The following HSDL2 variants were observed in gnomAD, a reference collection of about 807,000 sequenced individuals.
The protein encoded by HSDL2 is hydroxysteroid dehydrogenase like 2, also known as hydroxysteroid dehydrogenase-like protein 2.
HSDL2 carries 27 observed loss-of-function variants against 46.3 expected under a neutral mutation model. The ratio of observed to expected loss-of-function variants is 0.58; its 90% CI spans 0.43 to 0.80. HSDL2 has a LOEUF of 0.80. Ranked by LOEUF, HSDL2 falls within the 30% of genes least tolerant of loss-of-function variation. HSDL2 has a pLI of 0.00. For missense variants in HSDL2, 451 were observed against 502.7 expected (o/e 0.90, Z 0.98); for synonymous variants, 153 against 163.6 (o/e 0.94, Z 0.50).
At chr9:112,416,079 C>G (rs890033128) in intron 4 of HSDL2, among the ~76,000 whole-genome samples, 5 of 149,630 alleles carry the variant, frequency 3.3e-5, no homozygotes, top group Non-Finnish European at 7.4e-5. Context: ...TCACTCCAGC[C>G]TGGGCAACAG....
intron 1 of HSDL2, among the ~76,000 whole-genome samples, chr9:112,402,818 G>C (rs1489484299): frequency 1.3e-5 from 2 of 152,106 alleles, no homozygotes; most frequent in African/African-American, 4.8e-5. Flanking sequence ...CTACTTGGGA[G>C]GCTGAAGCAG....
chr9:112,401,421 G>A lies in HSDL2; in HGVS notation c.18-2574G>A, dbSNP rs1426158532. 3.1e-5 allele frequency among the ~76,000 whole-genome samples: 4 copies of A among 128,114 alleles called. No individual in the cohort carries two copies. In the East Asian group the frequency reaches 6.8e-4, roughly 22 times the overall value. 84.0% of individuals were successfully genotyped at this position (128,114 alleles called of 152,430 possible). A position where few individuals can be genotyped will look rare whatever the true frequency, so the allele number is the denominator to read the frequency against. ...CAGTGAGCCACACTCCAGACTGGGC[G>A]ACAGAGCAAGAACCGCTCTCAAAAA... is the stretch of plus-strand genomic sequence containing the variant. On this transcript the variant is annotated intron_variant, in intron 1 of 10. Transcript: ENST00000398805.
chr9:112,425,858 G>T (rs1017571234), intron 6 of HSDL2, among the ~76,000 whole-genome samples: 1 of 151,926 alleles, frequency 6.6e-6, no homozygotes. Flanking sequence ...CTCCTAAATA[G>T]CTAGAACCAC....
At chr9:112,417,477 TAAA>T (rs71491043) in intron 5 of HSDL2, among the ~76,000 whole-genome samples, 15 of 111,092 alleles carry the variant, frequency 1.4e-4, no homozygotes, top group Non-Finnish European at 1.8e-4. Context: ...ACCCTGACTC[TAAA>T]AAAAAAAAAA....
At chr9:112,391,479 A>G (rs1425089068) in intron 1 of HSDL2, among the ~76,000 whole-genome samples, 2 of 152,204 alleles carry the variant, frequency 1.3e-5, no homozygotes, top group African/African-American at 4.8e-5. Flanking sequence ...CTAATGATAA[A>G]GAATTTCTGC....
At chr9:112,404,274 T>A in intron 2 of HSDL2, 116 bp downstream of exon 2, 1 of 971,830 alleles carries the variant, frequency 1.0e-6, no homozygotes, top group Non-Finnish European at 1.5e-6. Context: ...TAATTTTATC[T>A]AGTGAAAGAA....
chr9:112,443,564 C>CA (rs932083808), intron 8 of HSDL2, among the ~76,000 whole-genome samples: 2 of 151,886 alleles, frequency 1.3e-5, no homozygotes, highest in Admixed American at 6.6e-5. Context: ...CCTGTCTCTA[C>CA]AAAAAAATAA....
At chr9:112,387,592 C>T (rs1249097018) in intron 1 of HSDL2, among the ~76,000 whole-genome samples, 1 of 152,070 alleles carries the variant, frequency 6.6e-6, no homozygotes, top group Non-Finnish European at 1.5e-5. Flanking sequence ...ATACTCTTTT[C>T]TGGTTTTTTA....
Position 112,453,209 on chromosome 9 carries a change from T to G in HSDL2, c.866-804T>G, listed in dbSNP as rs114172915. Among the ~76,000 whole-genome samples the G allele has an allele frequency of 7.3e-3, 1,107 of 152,240 alleles. 17 individuals carry two copies. The highest frequency in any genetic ancestry group is 0.025 in the African/African-American group (1,041 of 41,548). ...GAGGTGGAGTGATTAGAAAGTACAC[T>G]TGGGTGTTGATTCAAGCTACAGTCT... is the stretch of plus-strand genomic sequence containing the variant. On this transcript the variant is annotated intron_variant, in intron 8 of 10. Transcript: ENST00000398805.
At chr9:112,450,657 A>G (rs536275961) in intron 8 of HSDL2, among the ~76,000 whole-genome samples, 1 of 150,434 alleles carries the variant, frequency 6.6e-6, no homozygotes, top group South Asian at 2.1e-4. Flanking sequence ...AGAACAGCTC[A>G]AAGAAAAATT....
chr9:112,463,737 T>G (rs1833285150), intron 10 of HSDL2, among the ~76,000 whole-genome samples: 1 of 152,106 alleles, frequency 6.6e-6, no homozygotes. Flanking sequence ...CTCGGCTCAC[T>G]GCAACCTCCA....
At chr9:112,407,071 G>A (rs538079088) in intron 3 of HSDL2, among the ~76,000 whole-genome samples, 1 of 152,284 alleles carries the variant, frequency 6.6e-6, no homozygotes, top group Non-Finnish European at 1.5e-5. Context: ...GAGTGCTGTG[G>A]GGTGCTGGAC....
intron 4 of HSDL2, among the ~76,000 whole-genome samples, chr9:112,416,588 TAAA>T (rs35674008): frequency 6.0e-5 from 8 of 134,220 alleles, no homozygotes; most frequent in Non-Finnish European, 3.1e-5. Flanking sequence ...ACCCTGTCTC[TAAA>T]AAAAAAAAAA....
intron 1 of HSDL2, among the ~76,000 whole-genome samples, chr9:112,403,253 C>G (rs1364980532): frequency 6.6e-6 from 1 of 152,226 alleles, no homozygotes; most frequent in East Asian, 1.9e-4. Flanking sequence ...CCTCCAATCC[C>G]TCCCACTCCC....
At chr9:112,463,524 T>C (rs184011314) in intron 10 of HSDL2, among the ~76,000 whole-genome samples, 3 of 152,368 alleles carry the variant, frequency 2.0e-5, no homozygotes, top group South Asian at 2.1e-4. Context: ...CCAACACTTG[T>C]TGTCTTTTAA....
chr9:112,409,909 T>C (rs1421399608), intron 4 of HSDL2, among the ~76,000 whole-genome samples: 1 of 152,030 alleles, frequency 6.6e-6, no homozygotes, highest in Admixed American at 6.6e-5. Flanking sequence ...TATTTGCATG[T>C]GTAAATACTT....
Position 112,454,140 on chromosome 9 carries a change from A to G in HSDL2, c.993A>G (p.Ala331=). Residue 331 remains alanine (A), a synonymous_variant, in exon 9 of 11, where the codon GCA becomes GCG. Transcript: ENST00000398805. ...LSDDVVKATQ[A]IYLFELSGED... ...ATGATGTTGTTAAAGCCACTCAAGC[A>G]ATCTATCTGTTTGAACTCTCCGGTA... 1 of 1,613,778 alleles carries G rather than the reference A, an allele frequency of 6.2e-7. No individual in the cohort carries two copies. Among genetic ancestry groups the G allele is most frequent in the Non-Finnish European group, 8.5e-7 (1 of 1,179,888 alleles).
chr9:112,408,937 C>A lies in HSDL2; in HGVS notation c.311C>A (p.Ala104Asp). Reference sequence around the variant, plus strand: ...GATATTCTGGTAAATAATGCCAGTGCCATTAGTTTGACCAATACATTGGAC... The same window carrying A: ...GATATTCTGGTAAATAATGCCAGTGACATTAGTTTGACCAATACATTGGAC... ...GIDILVNNASAISLTNTLDTP... is the reference protein window; with the variant it reads ...GIDILVNNASDISLTNTLDTP... The change falls in exon 4 of 11, where the codon GCC becomes GAC. Residue 104 changes from alanine to aspartate, a missense_variant. Transcript: ENST00000398805. 1 of 1,578,238 alleles carries A rather than the reference C, an allele frequency of 6.3e-7. No homozygotes were observed. Among genetic ancestry groups the A allele is most frequent in the South Asian group, 1.1e-5 (1 of 88,492 alleles).
chr9:112,385,368 G>A (rs1041979558), intron 1 of HSDL2, among the ~76,000 whole-genome samples: 3 of 152,032 alleles, frequency 2.0e-5, no homozygotes, highest in Admixed American at 6.6e-5. Flanking sequence ...TTGCTCTGTC[G>A]CCCAGGATGG....
Sources: allele counts gnomAD v4.1 joint callset (sites outside exome capture counted in the v4.1 genomes callset), GRCh38; gene constraint gnomAD v4.1.1; transcripts MANE v1.5; gene names NCBI Gene and HGNC (gene_info 2026-07-23, HGNC 2026-07-21).